The following NELL1 variants were observed in gnomAD, a reference collection of about 807,000 sequenced individuals.
The protein encoded by NELL1 is protein kinase C-binding protein NELL1.
In NELL1, 76 loss-of-function variants were observed where a neutral mutation model predicts 107.4. The ratio of observed to expected loss-of-function variants is 0.71; its 90% CI spans 0.59 to 0.86. The LOEUF is 0.86. Among genes scored for constraint, NELL1 ranks in the 40% least tolerant of loss-of-function variants. The pLI is 0.00. For synonymous variants in NELL1, 353 were observed against 341.2 expected (o/e 1.03, Z -0.38); for missense variants, 1,024 against 1,005.5 (o/e 1.02, Z -0.25).
intron 16 of NELL1, among the ~76,000 whole-genome samples, chr11:21,558,947 G>T (rs1856786710): frequency 6.6e-6 from 1 of 152,068 alleles, no homozygotes; most frequent in Non-Finnish European, 1.5e-5. Flanking sequence ...ACTAGTAACA[G>T]TGAGGAGATA....
At chr11:21,006,653 C>T (rs1852333334) in intron 12 of NELL1, among the ~76,000 whole-genome samples, 1 of 152,060 alleles carries the variant, frequency 6.6e-6, no homozygotes, top group Non-Finnish European at 1.5e-5. Flanking sequence ...GTTTCAGTGA[C>T]ACGGTCTCTT....
chr11:21,376,353 G>A (rs1024233155), intron 15 of NELL1, among the ~76,000 whole-genome samples: 1 of 152,018 alleles, frequency 6.6e-6, no homozygotes, highest in African/African-American at 2.4e-5. Context: ...AGATCAGATG[G>A]CTGTGGGTGT....
chr11:21,031,858 A>C (rs1852965680), intron 12 of NELL1, among the ~76,000 whole-genome samples: 1 of 151,924 alleles, frequency 6.6e-6, no homozygotes, highest in Non-Finnish European at 1.5e-5. Flanking sequence ...AGATCAGCCA[A>C]CATGAAGAAA....
intron 3 of NELL1, among the ~76,000 whole-genome samples, chr11:20,801,250 G>A (rs546260809): frequency 5.9e-5 from 9 of 152,206 alleles, no homozygotes; most frequent in East Asian, 1.9e-4. Context: ...TAAAAAATAC[G>A]TTAGACTTCT....
At chr11:20,976,660 T>G (rs950944115) in intron 12 of NELL1, among the ~76,000 whole-genome samples, 5 of 152,236 alleles carry the variant, frequency 3.3e-5, no homozygotes, top group African/African-American at 1.2e-4. Flanking sequence ...TTTAACTTAC[T>G]TGTACATGGA....
chr11:21,182,386 G>C (rs1366884267), intron 13 of NELL1, among the ~76,000 whole-genome samples: 2 of 149,032 alleles, frequency 1.3e-5, no homozygotes, highest in Non-Finnish European at 3.0e-5. Flanking sequence ...AGTGAACCGA[G>C]ATCACGCCAC....
At chr11:20,889,741 C>T (rs79809952) in intron 5 of NELL1, among the ~76,000 whole-genome samples, 2,986 of 152,220 alleles carry the variant, frequency 0.02, 97 homozygotes, top group African/African-American at 0.068. Flanking sequence ...AGGAACAGTG[C>T]GGTGCGACGG....
rs529034446 is a variant in NELL1, at chr11:21,177,650, A to T, written c.1427-51682A>T. Among the ~76,000 whole-genome samples the T allele has an allele frequency of 2.5e-3, 374 of 151,902 alleles. 3 individuals are homozygous for T. The highest frequency in any genetic ancestry group is 4.3e-3 in the Non-Finnish European group (295 of 68,010). On this transcript the variant is annotated intron_variant, in intron 13 of 19. Transcript: ENST00000357134. ...TATATGCTCAGTAGTGAGATTGCTGAATCACATGGTAATTTTATTCTTAGT... is the reference window on the plus strand; with the variant it reads ...TATATGCTCAGTAGTGAGATTGCTGTATCACATGGTAATTTTATTCTTAGT...
At chr11:21,415,326 A>G (rs1283669577) in intron 15 of NELL1, among the ~76,000 whole-genome samples, 1 of 152,100 alleles carries the variant, frequency 6.6e-6, no homozygotes, top group African/African-American at 2.4e-5. Context: ...CCTTGAAGCC[A>G]GTTGCCTTGG....
At chr11:20,674,003 A>C (rs111546785) in intron 1 of NELL1, among the ~76,000 whole-genome samples, 3,085 of 152,190 alleles carry the variant, frequency 0.02, 102 homozygotes, top group African/African-American at 0.07. Flanking sequence ...CCTGGTGGGG[A>C]CCAATTAAAG....
chr11:21,053,220 A>G (rs1853538413), intron 12 of NELL1, among the ~76,000 whole-genome samples: 1 of 152,078 alleles, frequency 6.6e-6, no homozygotes, highest in South Asian at 2.1e-4. Flanking sequence ...TGTTGCACCC[A>G]TCAACCTGTC....
In NELL1 at chr11:21,426,837, G is replaced by A. The variant is rs893842740; in HGVS notation, c.1645+55889G>A. 1.4e-4 allele frequency among the ~76,000 whole-genome samples: 21 copies of A among 152,296 alleles called. No homozygotes were observed. In the South Asian group the frequency reaches 3.9e-3, roughly 29 times the overall value. ...GGGCTTGGTCAATGAAGATCTGGAA[G>A]AGGGGTGTCAGAAGATCCAAGAGAA... is the stretch of plus-strand genomic sequence containing the variant. On this transcript the variant is annotated intron_variant, in intron 15 of 19. Transcript: ENST00000357134.
chr11:20,878,149 A>G (rs886819799), intron 4 of NELL1, among the ~76,000 whole-genome samples: 3 of 152,014 alleles, frequency 2.0e-5, no homozygotes, highest in Admixed American at 2.0e-4. Flanking sequence ...TCATGAGGTC[A>G]GGAGATCGAG....
intron 13 of NELL1, among the ~76,000 whole-genome samples, chr11:21,132,367 C>T (rs976501189): frequency 2.0e-5 from 3 of 152,174 alleles, no homozygotes; most frequent in African/African-American, 7.2e-5. Flanking sequence ...GCCCATTGGG[C>T]TCGTTCCATC....
At chr11:20,904,239 C>T (rs1233660667) in intron 5 of NELL1, among the ~76,000 whole-genome samples, 3 of 151,638 alleles carry the variant, frequency 2.0e-5, no homozygotes, top group African/African-American at 2.4e-5. Context: ...AAAAAAGTGG[C>T]AGGCATTGAT....
chr11:21,159,673 G>A (rs1040843954), intron 13 of NELL1, among the ~76,000 whole-genome samples: 1 of 151,636 alleles, frequency 6.6e-6, no homozygotes, highest in Non-Finnish European at 1.5e-5. Context: ...CTGGGTGTAG[G>A]GAGAGGAAAT....
chr11:20,691,943 T>C (rs1854478762), intron 2 of NELL1, among the ~76,000 whole-genome samples: 2 of 152,160 alleles, frequency 1.3e-5, no homozygotes, highest in Non-Finnish European at 2.9e-5. Context: ...AAGGTATTGA[T>C]TATTGCCACA....
intron 15 of NELL1, among the ~76,000 whole-genome samples, chr11:21,443,291 A>T (rs576422032): frequency 1.3e-5 from 2 of 152,242 alleles, no homozygotes; most frequent in East Asian, 1.9e-4. Flanking sequence ...AACTCTCATG[A>T]CCTAGTCAAC....
At chr11:21,400,770 A>G (rs986898912) in intron 15 of NELL1, among the ~76,000 whole-genome samples, 1 of 152,036 alleles carries the variant, frequency 6.6e-6, no homozygotes, top group Non-Finnish European at 1.5e-5. Flanking sequence ...TTCATCCTAT[A>G]TGATTGTACT....
Sources: gnomAD v4.1 joint callset for allele counts (sites outside exome capture counted in the v4.1 genomes callset) on GRCh38, gnomAD v4.1.1 for gene constraint, MANE v1.5 for transcripts, NCBI Gene and HGNC (gene_info 2026-07-23, HGNC 2026-07-21) for gene names.